CERS6: variants seen among roughly 807,000 people sequenced by gnomAD.
CERS6 encodes the protein ceramide synthase 6.
A neutral mutation model predicts 56.8 loss-of-function variants in CERS6; 26 were observed. That is an observed-to-expected ratio of 0.46 (90% confidence interval 0.34 to 0.63). The LOEUF (loss-of-function observed/expected upper bound fraction) is 0.63, where lower values mean the gene tolerates loss of function less well. Ranked by LOEUF, CERS6 falls within the 30% of genes least tolerant of loss-of-function variation. The pLI, the probability that CERS6 is intolerant of heterozygous loss-of-function variation, is 0.01. For synonymous variants in CERS6, 164 were observed against 173.3 expected (o/e 0.95, Z 0.42); for missense variants, 415 against 467.5 (o/e 0.89, Z 1.04).
intron 4 of CERS6, among the ~76,000 whole-genome samples, chr2:168,674,243 A>G (rs60537649): frequency 0.018 from 2,775 of 152,316 alleles, 82 homozygotes; most frequent in African/African-American, 0.064. Flanking sequence ...ATTTTTTAGA[A>G]TAGTTAGACC....
chr2:168,527,715 G>C (rs1323847034), intron 1 of CERS6, among the ~76,000 whole-genome samples: 1 of 151,662 alleles, frequency 6.6e-6, no homozygotes, highest in Non-Finnish European at 1.5e-5. Context: ...TTCCTTGAGG[G>C]CCCCCCCGCC....
At chr2:168,629,923 C>G (rs1684673273) in intron 3 of CERS6, among the ~76,000 whole-genome samples, 1 of 151,856 alleles carries the variant, frequency 6.6e-6, no homozygotes, top group African/African-American at 2.4e-5. Flanking sequence ...TCACGCCATT[C>G]TCCTGCCTCA....
intron 1 of CERS6, among the ~76,000 whole-genome samples, chr2:168,512,028 C>T (rs2105350973): frequency 6.6e-6 from 1 of 152,096 alleles, no homozygotes; most frequent in Middle Eastern, 3.4e-3. Context: ...ATACATGCTA[C>T]AACAAGGGTT....
rs529070741 is a variant in CERS6, at chr2:168,542,026, A to G, written c.171-5570A>G. Among the ~76,000 whole-genome samples the G allele has an allele frequency of 2.6e-5, 4 of 152,286 alleles. No individual in the cohort carries two copies. The East Asian group carries it at 7.7e-4, about 29-fold the overall frequency. On this transcript the variant is annotated intron_variant, in intron 1 of 9. Transcript: ENST00000305747. ...AGAATAAATATATAAATGAACAGAG[A>G]GGTCACTCTTTACTGGTTGCTTGCT...
chr2:168,685,243 G>A (rs1312685263), intron 4 of CERS6, among the ~76,000 whole-genome samples: 1 of 152,082 alleles, frequency 6.6e-6, no homozygotes, highest in Admixed American at 6.5e-5. Flanking sequence ...GCAACAAAAT[G>A]TGTTTAATAT....
At chr2:168,723,844 A>G (rs1208315334) in intron 8 of CERS6, among the ~76,000 whole-genome samples, 1 of 152,226 alleles carries the variant, frequency 6.6e-6, no homozygotes, top group Non-Finnish European at 1.5e-5. Context: ...TGTTCTCTGT[A>G]ACAACATTCT....
At chr2:168,635,890 T>G (rs375982623) in intron 4 of CERS6, among the ~76,000 whole-genome samples, 18 of 152,312 alleles carry the variant, frequency 1.2e-4, no homozygotes, top group Middle Eastern at 3.4e-3. Context: ...CTTTGAGATG[T>G]TCTCTTTTGT....
intron 8 of CERS6, among the ~76,000 whole-genome samples, chr2:168,754,918 GGCAT>G (rs1244276849): frequency 6.6e-6 from 1 of 152,118 alleles, no homozygotes; most frequent in Non-Finnish European, 1.5e-5. Flanking sequence ...TGGGACTACA[GGCAT>G]GTGCTGTCAC....
intron 3 of CERS6, among the ~76,000 whole-genome samples, chr2:168,608,950 C>G (rs1684119707): frequency 6.6e-6 from 1 of 152,170 alleles, no homozygotes; most frequent in African/African-American, 2.4e-5. Context: ...GTTTGTGGAA[C>G]TCCTCCAATG....
intron 3 of CERS6, among the ~76,000 whole-genome samples, chr2:168,598,927 A>C (rs1231620183): frequency 6.6e-6 from 1 of 152,214 alleles, no homozygotes; most frequent in East Asian, 1.9e-4. Flanking sequence ...CCTCTCTAGC[A>C]AGAGAAACAC....
intron 1 of CERS6, among the ~76,000 whole-genome samples, chr2:168,492,996 C>A (rs1246012936): frequency 6.6e-6 from 1 of 151,934 alleles, no homozygotes; most frequent in Non-Finnish European, 1.5e-5. Flanking sequence ...CAATGGGATC[C>A]ATTAGTACTA....
In CERS6 at chr2:168,598,187, C is replaced by T. The variant is rs73969279; in HGVS notation, c.408-32798C>T. 6.8e-3 allele frequency among the ~76,000 whole-genome samples: 1,035 copies of T among 152,330 alleles called. 13 individuals carry two copies. The highest frequency in any genetic ancestry group is 0.024 in the African/African-American group (981 of 41,578). On this transcript the variant is annotated intron_variant, in intron 3 of 9. Transcript: ENST00000305747. ...ATAGCTGCTTCCATCAGCTGACCTTCTTGAGCATCTCAAACTGGCATTGAT... is the reference window on the plus strand; with the variant it reads ...ATAGCTGCTTCCATCAGCTGACCTTTTTGAGCATCTCAAACTGGCATTGAT...
At chr2:168,543,051 G>C (rs909176411) in intron 1 of CERS6, among the ~76,000 whole-genome samples, 1 of 152,146 alleles carries the variant, frequency 6.6e-6, no homozygotes, top group East Asian at 1.9e-4. Context: ...GCTTTCTTCC[G>C]TACTTTGTGC....
At chr2:168,686,955 A>C (rs1686368465) in intron 4 of CERS6, among the ~76,000 whole-genome samples, 1 of 152,198 alleles carries the variant, frequency 6.6e-6, no homozygotes, top group Non-Finnish European at 1.5e-5. Flanking sequence ...ATCCAGAGGG[A>C]AGCAGATCAG....
chr2:168,623,304 A>C (rs1247328035), intron 3 of CERS6, among the ~76,000 whole-genome samples: 1 of 152,206 alleles, frequency 6.6e-6, no homozygotes, highest in Non-Finnish European at 1.5e-5. Context: ...TTGTAGTTAT[A>C]AGATGAATAC....
chr2:168,632,502 TTAA>T (rs1684770694), intron 4 of CERS6, among the ~76,000 whole-genome samples: 1 of 152,214 alleles, frequency 6.6e-6, no homozygotes, highest in African/African-American at 2.4e-5. Flanking sequence ...TTATTTTCAC[TTAA>T]TAAGACCATA....
chr2:168,746,898 A>G (rs1684124321), intron 8 of CERS6, among the ~76,000 whole-genome samples: 1 of 149,232 alleles, frequency 6.7e-6, no homozygotes, highest in Non-Finnish European at 1.5e-5. Flanking sequence ...ATAAGAATAC[A>G]TACTCATTAG....
At chr2:168,747,156 C>T (rs534031464) in intron 8 of CERS6, among the ~76,000 whole-genome samples, 71 of 152,088 alleles carry the variant, frequency 4.7e-4, no homozygotes, top group Admixed American at 1.4e-3. Flanking sequence ...CATGATGGTG[C>T]ATGCCTATGG....
chr2:168,620,795 C>T (rs1360735088), intron 3 of CERS6, among the ~76,000 whole-genome samples: 1 of 140,842 alleles, frequency 7.1e-6, no homozygotes, highest in Admixed American at 7.3e-5. Context: ...CAAGGTCTTG[C>T]TCTGTTGCCC....
Sources: allele counts gnomAD v4.1 joint callset (sites outside exome capture counted in the v4.1 genomes callset), GRCh38; gene constraint gnomAD v4.1.1; transcripts MANE v1.5; gene names NCBI Gene and HGNC (gene_info 2026-07-23, HGNC 2026-07-21).